MAP4K2: variants seen among roughly 807,000 people sequenced by gnomAD.
MAP4K2 encodes the protein mitogen-activated protein kinase kinase kinase kinase 2, also known as B lymphocyte serine/threonine protein kinase.
In MAP4K2, 85 loss-of-function variants were observed where a neutral mutation model predicts 125.3. That is an observed-to-expected ratio of 0.68 (90% CI 0.57 to 0.81). The LOEUF is 0.81. MAP4K2 is among the 40% of genes least tolerant of loss of function. MAP4K2 has a pLI of 0.00. For synonymous variants in MAP4K2, 479 were observed against 445.1 expected, an observed-to-expected ratio of 1.08 and a Z score of -0.96; for missense variants, 923 against 1,056.4, an observed-to-expected ratio of 0.87 and a Z score of 1.75.
chr11:64,786,078 C>A lies in MAP4K2; in HGVS notation c.*3459G>T, dbSNP rs965567453. 2 of 152,134 alleles carry A rather than the reference C, an allele frequency of 1.3e-5. No homozygotes were observed. Among genetic ancestry groups the A allele is most frequent in the African/African-American group, 4.8e-5 (2 of 41,422 alleles). 9.4% of individuals were successfully genotyped at this position (152,134 alleles called of 1,614,324 possible). On this transcript the variant is annotated 3_prime_UTR_variant, in exon 32 of 32. Coordinates refer to ENST00000294066, the MANE Select transcript of MAP4K2 (RefSeq NM_004579.5). ...ATCCCACACTCCTCTCAGGGACGAC[C>A]ATCTCAGATTTTGTGCTTTTCCTTC...
In MAP4K2 at chr11:64,797,285, G is replaced by C. The variant is rs1940869295; in HGVS notation, c.1266C>G (p.Ser422=). ...AAGCCTGAGACTCACCTGGGGGACTGGACAGAGGCTCCTCTGCTGGAGGGT... is the reference window on the plus strand; with the variant it reads ...AAGCCTGAGACTCACCTGGGGGACTCGACAGAGGCTCCTCTGCTGGAGGGT... ...PTDPPAEEPL[S]SPPGTLPPPP... The change falls in exon 18 of 32, where the codon TCC becomes TCG. Residue 422 remains serine, a synonymous_variant. Coordinates refer to ENST00000294066, the MANE Select transcript of MAP4K2 (RefSeq NM_004579.5). 1 of 1,601,102 alleles carries C rather than the reference G, an allele frequency of 6.2e-7. No homozygotes were observed. Among genetic ancestry groups the C allele is most frequent in the African/African-American group, 1.3e-5 (1 of 74,838 alleles).
chr11:64,799,330 A>C, intron 14 of MAP4K2, 91 bp downstream of exon 14: 1 of 1,516,988 alleles, frequency 6.6e-7, no homozygotes, highest in Non-Finnish European at 9.0e-7. Flanking sequence ...ACCCAGCTTC[A>C]AATCTCCCTT....
rs750583281 is a variant in MAP4K2 at position 64,797,097 on chromosome 11, C to T, written c.1365+7G>A. On this transcript the variant is annotated splice_region_variant and intron_variant, in intron 19 of 31. Coordinates refer to ENST00000294066, the MANE Select transcript of MAP4K2 (RefSeq NM_004579.5). ...CGTCTCCCCACCCCACTGTAGCACC[C>T]TCTTACCTCAGGATCCTCCCGCTGC... is the stretch of plus-strand genomic sequence containing the variant. 7 of 1,614,068 alleles carry T rather than the reference C, an allele frequency of 4.3e-6. No individual in the cohort carries two copies. The highest frequency in any genetic ancestry group is 1.3e-5 in the African/African-American group (1 of 74,932).
rs1422203107 is a variant in MAP4K2 at position 64,787,168 on chromosome 11, T to C, written c.*2369A>G. On this transcript the variant is annotated 3_prime_UTR_variant, in exon 32 of 32. Transcript: ENST00000294066. ...CCTCAGCCTCCCGAGTAGCTGGGAT[T>C]ACAGGCACTCGCCACCATGCCCAGC... 1.3e-5 allele frequency: 2 copies of C among 152,022 alleles called. No homozygotes were observed. The highest frequency in any genetic ancestry group is 2.4e-5 in the African/African-American group (1 of 41,364). The allele number at this position is 152,022 out of a possible 1,614,324, so 9.4% of individuals were successfully genotyped here.
At position 64,796,852 on chromosome 11, in the gene MAP4K2, C is replaced by G; in HGVS notation, c.1449G>C (p.Leu483=). The G allele has an allele frequency of 6.2e-7, 1 of 1,613,852 alleles. No individual in the cohort carries two copies. Among genetic ancestry groups the G allele is most frequent in the Non-Finnish European group, 8.5e-7 (1 of 1,180,036 alleles). The part of the protein sequence containing the change: ...CFSKVFNGCP[L]RIHAAVTWIH... ...TCCAGGTGACAGCAGCGTGGATCCGCAGGGGGCAGCCATTGAAGACCTTGG... is the reference window on the plus strand; with the variant it reads ...TCCAGGTGACAGCAGCGTGGATCCGGAGGGGGCAGCCATTGAAGACCTTGG... Residue 483 remains leucine, a synonymous_variant, in exon 21 of 32, where the codon CTG becomes CTC. Transcript: ENST00000294066.
rs192135976 is a variant in MAP4K2, at chr11:64,802,684, G to T, written c.155-31C>A. On this transcript the variant is annotated intron_variant, in intron 2 of 31. Coordinates refer to ENST00000294066, the MANE Select transcript of MAP4K2 (RefSeq NM_004579.5). The stretch of plus-strand genomic sequence containing the variant: ...AAGCACAAAGCATCATGGGGAAGGC[G>T]CGCTGGGGTTGCCCTGACTCAGTGC... 9,019 of 1,599,096 alleles carry T rather than the reference G, an allele frequency of 5.6e-3. 38 individuals are homozygous for T. The highest frequency in any genetic ancestry group is 7.2e-3 in the Non-Finnish European group (8,370 of 1,169,918).
At chr11:64,791,119 G>C (rs1940450712) in intron 27 of MAP4K2, among the ~76,000 whole-genome samples, 1 of 152,230 alleles carries the variant, frequency 6.6e-6, no homozygotes, top group African/African-American at 2.4e-5. Flanking sequence ...CTGGGCAACA[G>C]AGCAAGACTC....
At chr11:64,801,455 T>C (rs1941159585) in intron 7 of MAP4K2, 124 bp downstream of exon 7, 1 of 1,157,618 alleles carries the variant, frequency 8.6e-7, no homozygotes, top group Non-Finnish European at 1.3e-6. Flanking sequence ...TTCCATCTTC[T>C]AAGCAGGGAA....
Position 64,802,836 on chromosome 11 carries a change from C to G in MAP4K2, c.154+49G>C, listed in dbSNP as rs774734132. 33 of 1,569,772 alleles carry G rather than the reference C, an allele frequency of 2.1e-5. No homozygotes were observed. The Admixed American group carries it at 5.9e-4, about 28-fold the overall frequency. On this transcript the variant is annotated intron_variant, in intron 2 of 31. Coordinates refer to ENST00000294066, the MANE Select transcript of MAP4K2 (RefSeq NM_004579.5). The stretch of plus-strand genomic sequence containing the variant: ...ACCCTCCGCCCGCACCCCGCGCCCG[C>G]GGGCGCTCTGCCCTTCCTCTGGCGC...
chr11:64,792,136 T>C (rs758160332), intron 26 of MAP4K2, 36 bp downstream of exon 26: 5 of 1,587,312 alleles, frequency 3.1e-6, no homozygotes, highest in Non-Finnish European at 4.3e-6. Context: ...CCCAGAGCTC[T>C]GAGGGTGCCC....
At chr11:64,790,512 A>C in intron 27 of MAP4K2, 50 bp from the exon 28 acceptor site, 1 of 1,548,444 alleles carries the variant, frequency 6.5e-7, no homozygotes, top group Non-Finnish European at 8.9e-7. Context: ...CAGTCCCCCA[A>C]CCCCAAGAGG....
At chr11:64,791,858 G>A (rs894462107) in intron 27 of MAP4K2, 51 bp downstream of exon 27, 9 of 1,455,662 alleles carry the variant, frequency 6.2e-6, no homozygotes, top group Non-Finnish European at 8.2e-6. Context: ...TCCCTCCCTC[G>A]GTCTCTCATG....
Position 64,796,392 on chromosome 11 carries a change from T to C in MAP4K2, c.1634-2A>G. On this transcript the variant is annotated splice_acceptor_variant, in intron 23 of 31. Transcript: ENST00000294066. LOFTEE classifies it high-confidence loss of function. ...GGGCCCAGATGTGCGTGGATTTCCC[T>C]GCAGAAACAGGAAGAGGCCAGGCCT... 1 of 1,610,460 alleles carries C rather than the reference T, an allele frequency of 6.2e-7. No homozygotes were observed. Among genetic ancestry groups the C allele is most frequent in the Non-Finnish European group, 8.5e-7 (1 of 1,177,832 alleles).
At chr11:64,802,738 C>T (rs1941294969) in intron 2 of MAP4K2, 85 bp from the exon 3 acceptor site, 2 of 1,488,342 alleles carry the variant, frequency 1.3e-6, no homozygotes, top group African/African-American at 1.4e-5. Flanking sequence ...CACAGAGTGC[C>T]TCCCTCCGGG....
rs1006191749 is a variant in MAP4K2, at chr11:64,788,981, G to A, written c.*556C>T. On this transcript the variant is annotated 3_prime_UTR_variant, in exon 32 of 32. Transcript: ENST00000294066. Reference sequence around the variant, plus strand: ...AGGGGAAGGCACAGTGCCCCTAGAAGGCTGCTGGGGGCCATGGCCTCCTGT... The same window carrying A: ...AGGGGAAGGCACAGTGCCCCTAGAAAGCTGCTGGGGGCCATGGCCTCCTGT... 1 of 161,846 alleles carries A rather than the reference G, an allele frequency of 6.2e-6. No homozygotes were observed. The highest frequency in any genetic ancestry group is 2.4e-5 in the African/African-American group (1 of 41,470). The allele number at this position is 161,846 out of a possible 1,614,324, so 10.0% of individuals were successfully genotyped here.
In MAP4K2 at chr11:64,800,905, G is replaced by T; in HGVS notation, c.657C>A (p.Pro219=). ...ELQPPLFHLH[P]MRALMLMSKS... is the part of the protein sequence containing the mutation. ...GGGGCAAGTGTTGGGCTGACCTCAT[G>T]GGGTGCAGGTGGAACAGAGGGGGCT... The change falls in exon 9 of 32, where the codon CCC becomes CCA. Residue 219 remains proline, a synonymous_variant. Transcript: ENST00000294066. 6.2e-7 allele frequency: 1 copy of T among 1,614,024 alleles called. No homozygotes were observed. The highest frequency in any genetic ancestry group is 1.1e-5 in the South Asian group (1 of 91,088).
rs776104042 is a variant in MAP4K2 at position 64,799,650 on chromosome 11, G to C, written c.949C>G (p.Arg317Gly). Residue 317 changes from arginine (R) to glycine (G), a missense_variant, in exon 13 of 32, where the codon CGG (arginine) becomes GGG (glycine). Arg to Gly is a moderately radical substitution (Grantham distance 125, BLOSUM62 -2). This residue lies in a region of MAP4K2 where 833 missense variants were observed against 911.4 expected (regional missense o/e 0.91). Transcript: ENST00000294066. ...CTCTCGGCTGGGCCGTGCTGCCCCC[G>C]GGAGTGAATGGTGTCTGGAAACATG... ...YDMFPDTIHS[R>G]GQHGPAERTP... 3.1e-6 allele frequency: 5 copies of C among 1,613,942 alleles called. No individual in the cohort carries two copies.
chr11:64,802,698 C>T (rs1365319177), intron 2 of MAP4K2, 45 bp from the exon 3 acceptor site: 1 of 1,580,778 alleles, frequency 6.3e-7, no homozygotes, highest in Non-Finnish European at 8.6e-7. Flanking sequence ...TGGGGTTGCC[C>T]TGACTCAGTG....
In MAP4K2 at chr11:64,788,391, G is replaced by C. The variant is rs569594070; in HGVS notation, c.*1146C>G. 1.3e-4 allele frequency: 20 copies of C among 152,298 alleles called. No individual in the cohort carries two copies. The highest frequency in any genetic ancestry group is 1.2e-3 in the Admixed American group (19 of 15,286). 9.4% of individuals were successfully genotyped at this position (152,298 alleles called of 1,614,324 possible). Reference sequence around the variant, plus strand: ...AGCTGCCCAAAGGCTCCAGTCAAGAGCGGCTGATCAGTGCCTGGGGCAAAA... The same window carrying C: ...AGCTGCCCAAAGGCTCCAGTCAAGACCGGCTGATCAGTGCCTGGGGCAAAA... On this transcript the variant is annotated 3_prime_UTR_variant, in exon 32 of 32. Transcript: ENST00000294066.
Sources: allele counts gnomAD v4.1 joint callset (sites outside exome capture counted in the v4.1 genomes callset), GRCh38; gene constraint gnomAD v4.1.1; regional missense constraint gnomAD v4.1.1; transcripts MANE v1.5; gene names NCBI Gene and HGNC (gene_info 2026-07-23, HGNC 2026-07-21).